GSTCD: variants seen among roughly 807,000 people sequenced by gnomAD.
GSTCD encodes the protein glutathione S-transferase C-terminal domain containing.
A neutral mutation model predicts 68.3 loss-of-function variants in GSTCD; 44 were observed. The observed-to-expected ratio is 0.64, with a 90% CI of 0.51 to 0.83. GSTCD has a LOEUF of 0.83. Ranked by LOEUF, GSTCD falls within the 40% of genes least tolerant of loss-of-function variation. The pLI is 0.00. For missense variants in GSTCD, 739 were observed against 735.9 expected (o/e 1.00, Z -0.05); for synonymous variants, 273 against 255.2 (o/e 1.07, Z -0.67).
At chr4:105,756,586 A>G (rs868235422) in intron 5 of GSTCD, among the ~76,000 whole-genome samples, 3,667 of 148,548 alleles carry the variant, frequency 0.025, 138 homozygotes, top group African/African-American at 0.077. Flanking sequence ...GTGTGTATAT[A>G]TATATATATA....
intron 1 of GSTCD, among the ~76,000 whole-genome samples, chr4:105,709,603 T>TGGTTTTGG (rs1271940178): frequency 1.6e-4 from 24 of 152,362 alleles, no homozygotes; most frequent in African/African-American, 5.8e-4. Flanking sequence ...AAACGTTTGC[T>TGGTTTTGG]AATACACGTA....
At chr4:105,728,282 A>G (rs1052077036) in intron 4 of GSTCD, among the ~76,000 whole-genome samples, 4 of 152,212 alleles carry the variant, frequency 2.6e-5, no homozygotes, top group South Asian at 4.1e-4. Flanking sequence ...AGGATAAATT[A>G]TATGGTATTA....
chr4:105,842,919 T>G (rs879728313), intron 11 of GSTCD, among the ~76,000 whole-genome samples: 63 of 152,232 alleles, frequency 4.1e-4, no homozygotes, highest in Middle Eastern at 3.2e-3. Flanking sequence ...CCTTAGTTAC[T>G]GCTTCCCAGC....
intron 3 of GSTCD, among the ~76,000 whole-genome samples, chr4:105,721,289 C>T (rs1379249261): frequency 1.3e-5 from 2 of 152,108 alleles, no homozygotes; most frequent in African/African-American, 2.4e-5. Context: ...CTCTTTAAAT[C>T]ATCTTGGGTA....
At chr4:105,733,830 T>A (rs551984196) in intron 5 of GSTCD, among the ~76,000 whole-genome samples, 1 of 152,194 alleles carries the variant, frequency 6.6e-6, no homozygotes, top group Non-Finnish European at 1.5e-5. Context: ...GGTAGCGGTT[T>A]TTCCTTTCCA....
chr4:105,816,318 G>T (rs972555848), intron 5 of GSTCD, among the ~76,000 whole-genome samples: 3 of 151,972 alleles, frequency 2.0e-5, no homozygotes, highest in African/African-American at 7.2e-5. Flanking sequence ...TGGATAATCC[G>T]ATTTTGCAAC....
chr4:105,731,285 G>T (rs1239604078), intron 5 of GSTCD, among the ~76,000 whole-genome samples: 1 of 152,166 alleles, frequency 6.6e-6, no homozygotes, highest in Non-Finnish European at 1.5e-5. Context: ...TTGGTAGCTT[G>T]ATGAGGATGA....
chr4:105,808,397 G>A (rs1722607431), intron 5 of GSTCD, among the ~76,000 whole-genome samples: 1 of 151,960 alleles, frequency 6.6e-6, no homozygotes, highest in South Asian at 2.1e-4. Flanking sequence ...TGTCAGCTCT[G>A]TTTTTAAAAT....
At chr4:105,833,167 TATA>T (rs1209277450) in intron 8 of GSTCD, among the ~76,000 whole-genome samples, 1 of 152,166 alleles carries the variant, frequency 6.6e-6, no homozygotes, top group Non-Finnish European at 1.5e-5. Context: ...GCATCTGGTT[TATA>T]ATATTTTACT....
At chr4:105,785,393 G>C (rs1735427968) in intron 5 of GSTCD, among the ~76,000 whole-genome samples, 1 of 151,624 alleles carries the variant, frequency 6.6e-6, no homozygotes, top group Non-Finnish European at 1.5e-5. Context: ...ATTTACCCTA[G>C]AAAGGCAAGG....
chr4:105,718,167 T>C, intron 2 of GSTCD, 128 bp downstream of exon 2: 1 of 699,398 alleles, frequency 1.4e-6, no homozygotes, highest in Non-Finnish European at 2.3e-6. Flanking sequence ...CAGTAACCAA[T>C]GAAATAAAGT....
intron 5 of GSTCD, among the ~76,000 whole-genome samples, chr4:105,819,881 T>TAA (rs900203692): frequency 6.8e-5 from 10 of 147,942 alleles, no homozygotes; most frequent in African/African-American, 2.5e-4. Flanking sequence ...GTCTCCATAT[T>TAA]AAAAAAAAAA....
At chr4:105,803,109 G>C (rs193142188) in intron 5 of GSTCD, among the ~76,000 whole-genome samples, 1 of 152,118 alleles carries the variant, frequency 6.6e-6, no homozygotes, top group African/African-American at 2.4e-5. Context: ...GACAAGGTCA[G>C]ACAGCTAATG....
Position 105,847,579 on chromosome 4 carries a change from A to T in GSTCD, c.*2002A>T, listed in dbSNP as rs898175594. 1.3e-5 allele frequency: 2 copies of T among 152,208 alleles called. No homozygotes were observed. The highest frequency in any genetic ancestry group is 4.8e-5 in the African/African-American group (2 of 41,460). The allele number at this position is 152,208 out of a possible 1,614,324, so 9.4% of individuals were successfully genotyped here. A position where few individuals can be genotyped will look rare whatever the true frequency, so the allele number is the denominator to read the frequency against. On this transcript the variant is annotated 3_prime_UTR_variant, in exon 12 of 12. Transcript: ENST00000515279. ...CCCTTAAATATTGTCAGGTAAACAC[A>T]TTGAGAATATTTTTTCCAGTCTGTG...
chr4:105,823,599 T>C (rs1240967232), intron 7 of GSTCD: 2 of 177,848 alleles, frequency 1.1e-5, no homozygotes, highest in Non-Finnish European at 2.3e-5. Flanking sequence ...AATGGAAATA[T>C]TGACCTCTGA....
rs541526893 is a variant in GSTCD, at chr4:105,823,294, A to G, written c.1401+19A>G. The G allele has an allele frequency of 6.2e-7, 1 of 1,611,796 alleles. No individual in the cohort carries two copies. The highest frequency in any genetic ancestry group is 1.1e-5 in the South Asian group (1 of 91,002). On this transcript the variant is annotated intron_variant, in intron 7 of 11. Coordinates refer to ENST00000515279, the MANE Select transcript of GSTCD (RefSeq NM_001370181.1). ...ATGTCAGGTAAAGCCAGAATAAGAG[A>G]TAAAAGGAAATATTTTAAAATTATA...
intron 5 of GSTCD, among the ~76,000 whole-genome samples, chr4:105,786,897 T>C (rs1385380350): frequency 1.3e-5 from 2 of 152,118 alleles, no homozygotes; most frequent in African/African-American, 4.8e-5. Context: ...CCGTTAGGAA[T>C]GTAAAATGTT....
chr4:105,754,082 T>G (rs1028925108), intron 5 of GSTCD, among the ~76,000 whole-genome samples: 1 of 152,138 alleles, frequency 6.6e-6, no homozygotes, highest in African/African-American at 2.4e-5. Flanking sequence ...GAAATTGGCA[T>G]TCTCTGTGCT....
At chr4:105,755,056 CAAAAAAAAAAAAAAAAAAAAAAAAAAAA>C (rs70941214) in intron 5 of GSTCD, among the ~76,000 whole-genome samples, 12 of 51,010 alleles carry the variant, frequency 2.4e-4, no homozygotes, top group African/African-American at 7.9e-4. Context: ...CTCATTTCTC[CAAAAAAAAAAAAAAAAAAAAAAAAAAAA>C]AAAAAAAAAA....
Sources: allele counts gnomAD v4.1 joint callset (sites outside exome capture counted in the v4.1 genomes callset), GRCh38; gene constraint gnomAD v4.1.1; transcripts MANE v1.5; gene names NCBI Gene and HGNC (gene_info 2026-07-23, HGNC 2026-07-21).